Variants in LRRIQ1 observed in about 807,000 individuals in gnomAD.
LRRIQ1 encodes leucine-rich repeat- and IQ domain-containing protein 1.
A neutral mutation model predicts 211.9 loss-of-function variants in LRRIQ1; 210 were observed. That is an observed-to-expected ratio of 0.99 (90% CI 0.89 to 1.11). LRRIQ1 has a LOEUF of 1.11. LRRIQ1 is among the 50% of genes most tolerant of loss of function. The pLI is 0.00. For synonymous variants in LRRIQ1, 699 were observed against 650.1 expected, an observed-to-expected ratio of 1.08 and a Z score of -1.14; for missense variants, 2,136 against 1,939.5, an observed-to-expected ratio of 1.10 and a Z score of -1.90.
chr12:85,153,778 C>A lies in LRRIQ1; in HGVS notation c.4637+20C>A. The A allele has an allele frequency of 7.1e-7, 1 of 1,403,680 alleles. No individual in the cohort carries two copies. 87.0% of individuals were successfully genotyped at this position (1,403,680 alleles called of 1,614,324 possible). A position where few individuals can be genotyped will look rare whatever the true frequency, so the allele number is the denominator to read the frequency against. On this transcript the variant is annotated intron_variant, in intron 22 of 26. Transcript: ENST00000393217. ...AGAATGGTATGTAGTCAATTTGACACTAATAAATTAAAAAATTGAGAGATT... is the reference window on the plus strand; with the variant it reads ...AGAATGGTATGTAGTCAATTTGACAATAATAAATTAAAAAATTGAGAGATT...
At chr12:85,161,956 G>A (rs929138859) in intron 24 of LRRIQ1, among the ~76,000 whole-genome samples, 8 of 151,852 alleles carry the variant, frequency 5.3e-5, no homozygotes, top group Admixed American at 1.3e-4. Flanking sequence ...GGAGAATGGC[G>A]TGAACCCGGG....
intron 19 of LRRIQ1, among the ~76,000 whole-genome samples, chr12:85,144,752 G>T (rs899744790): frequency 7.9e-5 from 12 of 151,602 alleles, no homozygotes; most frequent in African/African-American, 2.4e-4. Context: ...AAGTGTGATA[G>T]AATGTTATTA....
intron 19 of LRRIQ1, among the ~76,000 whole-genome samples, chr12:85,140,648 A>T (rs1261363799): frequency 1.3e-5 from 2 of 151,274 alleles, no homozygotes; most frequent in Non-Finnish European, 1.5e-5. Flanking sequence ...TGATATTAGC[A>T]AGCGTCTTTT....
intron 8 of LRRIQ1, among the ~76,000 whole-genome samples, chr12:85,062,344 C>G (rs559459702): frequency 2.2e-4 from 33 of 151,812 alleles, no homozygotes; most frequent in African/African-American, 8.0e-4. Flanking sequence ...CGACTCTTGT[C>G]CCCTTCCTTT....
intron 15 of LRRIQ1, among the ~76,000 whole-genome samples, chr12:85,113,906 T>TG (rs745637927): frequency 3.2e-4 from 42 of 130,582 alleles, no homozygotes; most frequent in Non-Finnish European, 3.9e-4. Context: ...TCAAATGAGT[T>TG]TTGTGTGTGT....
chr12:85,116,499 C>A (rs1887591728), intron 15 of LRRIQ1, among the ~76,000 whole-genome samples: 2 of 151,674 alleles, frequency 1.3e-5, no homozygotes, highest in Non-Finnish European at 2.9e-5. Context: ...ATAAAGCTTA[C>A]CCCAACCTAT....
chr12:85,210,424 A>T (rs543894359), intron 24 of LRRIQ1, among the ~76,000 whole-genome samples: 117 of 152,352 alleles, frequency 7.7e-4, no homozygotes, highest in African/African-American at 2.6e-3. Context: ...TGATGTAAAG[A>T]TAGTAGAATT....
At chr12:85,058,402 G>T (rs1881384544) in intron 8 of LRRIQ1, among the ~76,000 whole-genome samples, 1 of 151,936 alleles carries the variant, frequency 6.6e-6, no homozygotes, top group African/African-American at 2.4e-5. Context: ...ACATATTGCT[G>T]CAGGCCTTCC....
chr12:85,238,680 C>A (rs891769554), intron 26 of LRRIQ1, among the ~76,000 whole-genome samples: 11 of 151,858 alleles, frequency 7.2e-5, no homozygotes, highest in Admixed American at 3.9e-4. Flanking sequence ...AAAATGTTTA[C>A]CACGAATTCA....
At chr12:85,141,344 G>T (rs941705649) in intron 19 of LRRIQ1, among the ~76,000 whole-genome samples, 2 of 151,196 alleles carry the variant, frequency 1.3e-5, no homozygotes, top group African/African-American at 4.8e-5. Flanking sequence ...GGTATTGAGA[G>T]AGGAGTGCTA....
At chr12:85,052,027 T>C (rs1880388784) in intron 6 of LRRIQ1, 150 bp from the exon 7 acceptor site, 1 of 467,218 alleles carries the variant, frequency 2.1e-6, no homozygotes, top group Admixed American at 4.4e-5. Context: ...GAGATTAAAG[T>C]TGTTATCCCA....
intron 24 of LRRIQ1, among the ~76,000 whole-genome samples, chr12:85,179,873 T>A (rs1219324351): frequency 2.0e-5 from 3 of 151,924 alleles, no homozygotes; most frequent in African/African-American, 7.2e-5. Context: ...TCCTCCCAAC[T>A]GTTAATCTTT....
intron 24 of LRRIQ1, among the ~76,000 whole-genome samples, chr12:85,216,426 T>C (rs1032253654): frequency 6.6e-6 from 1 of 151,984 alleles, no homozygotes; most frequent in Non-Finnish European, 1.5e-5. Flanking sequence ...GGCAGTGTTC[T>C]ATATTTTGAA....
intron 12 of LRRIQ1, 57 bp from the exon 13 acceptor site, chr12:85,098,810 G>T (rs1886120377): frequency 1.6e-6 from 2 of 1,285,868 alleles, no homozygotes; most frequent in South Asian, 1.6e-5. Flanking sequence ...TTTTTAATTG[G>T]GCTAAATGAT....
In LRRIQ1 at chr12:85,154,573, G is replaced by A. The variant is rs1254212435; in HGVS notation, c.4720+479G>A. On this transcript the variant is annotated intron_variant, in intron 23 of 26. Transcript: ENST00000393217. Reference sequence around the variant, plus strand: ...TATTTTATGATTTTGTAGGACTTGCGAAATGTTCTAAAGCATCTTTTATTC... The same window carrying A: ...TATTTTATGATTTTGTAGGACTTGCAAAATGTTCTAAAGCATCTTTTATTC... Among the ~76,000 whole-genome samples the A allele has an allele frequency of 9.3e-5, 14 of 151,318 alleles. No individual in the cohort carries two copies. The South Asian group carries it at 1.7e-3, about 18-fold the overall frequency.
chr12:85,193,215 T>A, intron 24 of LRRIQ1, among the ~76,000 whole-genome samples: 1 of 128,910 alleles, frequency 7.8e-6, no homozygotes, highest in African/African-American at 3.0e-5. Flanking sequence ...CTGAAAGTGA[T>A]GGGGAGAATG....
chr12:85,223,540 A>G (rs1270510778), intron 24 of LRRIQ1, among the ~76,000 whole-genome samples: 2 of 152,190 alleles, frequency 1.3e-5, no homozygotes, highest in African/African-American at 4.8e-5. Flanking sequence ...AAGAGTGTCC[A>G]ATTTGTCCCT....
At chr12:85,197,953 T>A (rs906098521) in intron 24 of LRRIQ1, among the ~76,000 whole-genome samples, 8 of 108,238 alleles carry the variant, frequency 7.4e-5, no homozygotes, top group Non-Finnish European at 1.3e-4. Flanking sequence ...TTATATATAA[T>A]TATATATTAT....
intron 18 of LRRIQ1, among the ~76,000 whole-genome samples, chr12:85,136,143 C>G (rs899197629): frequency 1.3e-5 from 2 of 151,652 alleles, no homozygotes; most frequent in Non-Finnish European, 2.9e-5. Flanking sequence ...TACTCCTCTC[C>G]CTCACTCCTC....
Sources: allele counts gnomAD v4.1 joint callset (sites outside exome capture counted in the v4.1 genomes callset), GRCh38; gene constraint gnomAD v4.1.1; transcripts MANE v1.5; gene names NCBI Gene and HGNC (gene_info 2026-07-23, HGNC 2026-07-21).